The following CDH13 variants were observed in gnomAD, a reference collection of about 807,000 sequenced individuals.
The protein encoded by CDH13 is cadherin-13.
Under a neutral mutation model 63.8 loss-of-function variants are expected in CDH13, and 24 were observed. The observed-to-expected ratio is 0.38, with a 90% CI of 0.27 to 0.53. The LOEUF is 0.53. Among genes scored for constraint, CDH13 ranks in the 20% least tolerant of loss-of-function variants. The pLI, the probability that CDH13 is intolerant of heterozygous loss-of-function variation, is 0.85. For missense variants in CDH13, 1,049 were observed against 903.1 expected, an observed-to-expected ratio of 1.16 and a Z score of -2.07; for synonymous variants, 503 against 355.3, an observed-to-expected ratio of 1.42 and a Z score of -4.67.
intron 6 of CDH13, among the ~76,000 whole-genome samples, chr16:83,484,500 A>T (rs1387376): frequency 1.2e-4 from 19 of 152,372 alleles, no homozygotes; most frequent in South Asian, 2.1e-4. Flanking sequence ...GCTATTGTCA[A>T]TCATCAAAAC....
intron 5 of CDH13, among the ~76,000 whole-genome samples, chr16:83,340,745 A>G (rs983893806): frequency 6.6e-6 from 1 of 152,168 alleles, no homozygotes; most frequent in Admixed American, 6.5e-5. Context: ...CAGCACAGAC[A>G]TTGGTCAGAT....
rs1419860725 is a variant in CDH13 at position 82,828,812 on chromosome 16, T to C, written c.46-29550T>C. Among the ~76,000 whole-genome samples, 6 of 152,248 alleles carry C rather than the reference T, an allele frequency of 3.9e-5. No homozygotes were observed. In the East Asian group the frequency reaches 1.2e-3, roughly 29 times the overall value. On this transcript the variant is annotated intron_variant, in intron 1 of 13. Coordinates refer to ENST00000567109, the MANE Select transcript of CDH13 (RefSeq NM_001257.5). ...TATTATATAAGTAATCTAGAAATAA[T>C]TTAAAGTATACAGGAGGATATGTAT... is the stretch of plus-strand genomic sequence containing the variant.
chr16:83,427,723 C>A (rs1006867441), intron 6 of CDH13, among the ~76,000 whole-genome samples: 17 of 152,146 alleles, frequency 1.1e-4, no homozygotes, highest in Non-Finnish European at 2.1e-4. Context: ...CTACTAAGCA[C>A]CTCTGCACTT....
chr16:83,171,574 G>A, intron 4 of CDH13: 2 of 1,532,506 alleles, frequency 1.3e-6, no homozygotes, highest in South Asian at 1.2e-5. Flanking sequence ...TGAGATAAGT[G>A]CACAGGAAAT....
At chr16:82,698,435 A>G (rs1053823664) in intron 1 of CDH13, among the ~76,000 whole-genome samples, 1 of 152,242 alleles carries the variant, frequency 6.6e-6, no homozygotes, top group African/African-American at 2.4e-5. Flanking sequence ...CCTTGGTAGT[A>G]TATTAACAAG....
At chr16:83,218,739 GT>G (rs1305727358) in intron 5 of CDH13, among the ~76,000 whole-genome samples, 1 of 152,110 alleles carries the variant, frequency 6.6e-6, no homozygotes, top group Non-Finnish European at 1.5e-5. Flanking sequence ...ATCTGATATG[GT>G]TTGGCTGTCT....
At chr16:82,766,675 T>A (rs1048254891) in intron 1 of CDH13, among the ~76,000 whole-genome samples, 2 of 152,262 alleles carry the variant, frequency 1.3e-5, no homozygotes, top group Admixed American at 1.3e-4. Context: ...CTTTACCATA[T>A]ATCATTATCC....
At chr16:83,112,224 T>C (rs1167605615) in intron 3 of CDH13, among the ~76,000 whole-genome samples, 3 of 152,234 alleles carry the variant, frequency 2.0e-5, no homozygotes. Context: ...GGTCTATGTA[T>C]CAGTTAGGGC....
chr16:83,076,256 A>G (rs2032828297), intron 3 of CDH13, among the ~76,000 whole-genome samples: 1 of 152,208 alleles, frequency 6.6e-6, no homozygotes, highest in South Asian at 2.1e-4. Context: ...GATAGAGCCA[A>G]ATTTCCCAAA....
chr16:83,529,641 A>G (rs994191126), intron 7 of CDH13, among the ~76,000 whole-genome samples: 43 of 152,298 alleles, frequency 2.8e-4, no homozygotes, highest in African/African-American at 9.1e-4. Flanking sequence ...AGTAAAAGAC[A>G]TGGATGATCT....
intron 7 of CDH13, among the ~76,000 whole-genome samples, chr16:83,564,702 C>T (rs1302968201): frequency 2.0e-5 from 3 of 152,222 alleles, no homozygotes; most frequent in Non-Finnish European, 4.4e-5. Flanking sequence ...AGCCATTGCA[C>T]CCAGCAGGGA....
chr16:83,171,483 A>C, intron 4 of CDH13: 2 of 1,505,498 alleles, frequency 1.3e-6, no homozygotes, highest in Non-Finnish European at 1.8e-6. Flanking sequence ...TACTCATTCT[A>C]TGAAAATAGA....
chr16:83,240,274 T>A (rs959596252), intron 5 of CDH13, among the ~76,000 whole-genome samples: 1 of 151,898 alleles, frequency 6.6e-6, no homozygotes, highest in African/African-American at 2.4e-5. Flanking sequence ...AACGTAGGCC[T>A]GGGAGGGGGT....
intron 5 of CDH13, among the ~76,000 whole-genome samples, chr16:83,342,368 G>A (rs1173020495): frequency 6.6e-6 from 1 of 152,258 alleles, no homozygotes; most frequent in South Asian, 2.1e-4. Context: ...ATACCAGGGT[G>A]TTCAGCGTGA....
At chr16:83,507,870 A>G (rs1450288805) in intron 7 of CDH13, among the ~76,000 whole-genome samples, 1 of 151,246 alleles carries the variant, frequency 6.6e-6, no homozygotes, top group African/African-American at 2.4e-5. Context: ...CGTCTCTACT[A>G]AAGATACAAA....
At chr16:82,700,286 C>A (rs2030824316) in intron 1 of CDH13, among the ~76,000 whole-genome samples, 1 of 152,124 alleles carries the variant, frequency 6.6e-6, no homozygotes, top group Non-Finnish European at 1.5e-5. Context: ...ACCTGGGAAC[C>A]CTTTTGTTCA....
intron 1 of CDH13, among the ~76,000 whole-genome samples, chr16:82,771,809 G>A (rs555634750): frequency 1.3e-5 from 2 of 152,348 alleles, no homozygotes; most frequent in East Asian, 1.9e-4. Flanking sequence ...CTGAGCAAGG[G>A]TGTCATCTCA....
At chr16:83,080,289 A>G (rs1597291847) in intron 3 of CDH13, among the ~76,000 whole-genome samples, 1 of 152,228 alleles carries the variant, frequency 6.6e-6, no homozygotes, top group East Asian at 1.9e-4. Context: ...CAATTCGCTG[A>G]GACTAGGAAT....
intron 5 of CDH13, among the ~76,000 whole-genome samples, chr16:83,238,465 T>A (rs1313818663): frequency 6.6e-6 from 1 of 152,088 alleles, no homozygotes; most frequent in Non-Finnish European, 1.5e-5. Context: ...TCCCATGACA[T>A]GGGGGGATTG....
Sources: gnomAD v4.1 joint callset for allele counts (sites outside exome capture counted in the v4.1 genomes callset) on GRCh38, gnomAD v4.1.1 for gene constraint, MANE v1.5 for transcripts, NCBI Gene and HGNC (gene_info 2026-07-23, HGNC 2026-07-21) for gene names.